Variants in ALMS1 observed in about 807,000 individuals in gnomAD.
ALMS1 encodes ALMS1 centrosome and basal body associated protein.
A neutral mutation model predicts 352.2 loss-of-function variants in ALMS1; 271 were observed. The observed-to-expected ratio is 0.77, with a 90% confidence interval of 0.70 to 0.85. The LOEUF is 0.85. ALMS1 is among the 40% of genes least tolerant of loss of function. The pLI, the probability that ALMS1 is intolerant of heterozygous loss-of-function variation, is 0.00. For synonymous variants in ALMS1, 1,865 were observed against 1,761.2 expected (o/e 1.06, Z -1.48); for missense variants, 5,445 against 4,870.7 (o/e 1.12, Z -3.51).
At chr2:73,533,869 CAGTA>C (rs1446862422) in intron 11 of ALMS1, among the ~76,000 whole-genome samples, 1 of 152,140 alleles carries the variant, frequency 6.6e-6, no homozygotes, top group African/African-American at 2.4e-5. Context: ...ATTTAGCAGT[CAGTA>C]CTTTTTTGAA....
intron 2 of ALMS1, 117 bp downstream of exon 2, chr2:73,408,864 CTTTTTTTTTTTTTTTT>C (rs58686365): frequency 1.1e-5 from 2 of 188,558 alleles, no homozygotes; most frequent in South Asian, 9.9e-5. Flanking sequence ...GTTTTCTTGT[CTTTTTTTTTTTTTTTT>C]TTTTTTTTTT....
At chr2:73,403,194 A>G (rs1670905049) in intron 1 of ALMS1, among the ~76,000 whole-genome samples, 1 of 152,096 alleles carries the variant, frequency 6.6e-6, no homozygotes, top group African/African-American at 2.4e-5. Flanking sequence ...ATCAACTTTG[A>G]GTTGATTTTT....
At chr2:73,508,146 T>TC (rs375093271) in intron 10 of ALMS1, among the ~76,000 whole-genome samples, 2 of 130,340 alleles carry the variant, frequency 1.5e-5, no homozygotes, top group African/African-American at 3.1e-5. Context: ...CCTTTCCCTT[T>TC]CCTTTCCTTT....
chr2:73,452,117 G>C lies in ALMS1; in HGVS notation c.5590G>C (p.Glu1864Gln). Residue 1864 changes from glutamate (E) to glutamine (Q), a missense_variant, in exon 8 of 23, where the codon GAG becomes CAG. Transcript: ENST00000613296. ...REHSVISYEQ[E>Q]LPDLTEVTLK... ...GCACTCTGTCATTTCTTATGAGCAGGAGTTGCCAGATCTTACTGAAGTAAC... is the reference window on the plus strand; with the variant it reads ...GCACTCTGTCATTTCTTATGAGCAGCAGTTGCCAGATCTTACTGAAGTAAC... 6.2e-7 allele frequency: 1 copy of C among 1,608,726 alleles called. No homozygotes were observed. The highest frequency in any genetic ancestry group is 8.5e-7 in the Non-Finnish European group (1 of 1,176,616).
intron 9 of ALMS1, among the ~76,000 whole-genome samples, chr2:73,479,753 G>A (rs1026096131): frequency 2.0e-5 from 3 of 152,122 alleles, no homozygotes; most frequent in Non-Finnish European, 4.4e-5. Flanking sequence ...CAATTGCTGG[G>A]TCATGTGGTA....
chr2:73,598,891 G>A (rs561840055), intron 16 of ALMS1, among the ~76,000 whole-genome samples: 1 of 152,168 alleles, frequency 6.6e-6, no homozygotes, highest in African/African-American at 2.4e-5. Flanking sequence ...AATTTAAAAG[G>A]CCTTTGGGAC....
intron 12 of ALMS1, among the ~76,000 whole-genome samples, chr2:73,535,731 G>A (rs1261783107): frequency 6.6e-6 from 1 of 152,172 alleles, no homozygotes; most frequent in Non-Finnish European, 1.5e-5. Flanking sequence ...TATTTCCTAT[G>A]GAGATTTTAA....
At chr2:73,482,224 T>G (rs996681762) in intron 9 of ALMS1, among the ~76,000 whole-genome samples, 1 of 152,230 alleles carries the variant, frequency 6.6e-6, no homozygotes, top group Admixed American at 6.5e-5. Flanking sequence ...TTGTCATAGA[T>G]AACTCTTATT....
Position 73,550,416 on chromosome 2 carries a change from C to A in ALMS1, c.10057C>A (p.Pro3353Thr). Reference protein sequence around the residue: ...TKASLPVGEKPLQNENADASV... With the variant: ...TKASLPVGEKTLQNENADASV... ...GGCATCCTTGCCAGTGGGAGAAAAA[C>A]CCTTGCAGAATGAAAATGCAGGTAA... The change falls in exon 13 of 23, where the codon CCC becomes ACC. Residue 3353 changes from proline (P) to threonine (T), a missense_variant. Coordinates refer to ENST00000613296, the MANE Select transcript of ALMS1 (RefSeq NM_001378454.1). The A allele has an allele frequency of 1.9e-6, 3 of 1,614,106 alleles. No individual in the cohort carries two copies. Among genetic ancestry groups the A allele is most frequent in the Non-Finnish European group, 2.5e-6 (3 of 1,179,984 alleles).
rs747747269 is a variant in ALMS1 at position 73,572,981 on chromosome 2, C to A, written c.11104C>A (p.Arg3702=). 11 of 1,613,942 alleles carry A rather than the reference C, an allele frequency of 6.8e-6. No homozygotes were observed. In the Admixed American group the frequency reaches 8.3e-5, roughly 12 times the overall value. ...LKKSKVLSHH[R]AGRSNQIKIE... is the part of the protein sequence containing the mutation. Reference sequence around the variant, plus strand: ...AAAAAGCAAGGTGCTTTCTCATCATCGAGCTGGGAGGTCTAATCAAATTAA... The same window carrying A: ...AAAAAGCAAGGTGCTTTCTCATCATAGAGCTGGGAGGTCTAATCAAATTAA... The change falls in exon 16 of 23, where the codon CGA becomes AGA. Residue 3702 remains arginine (R), a synonymous_variant. Transcript: ENST00000613296.
chr2:73,581,381 G>A (rs987858549), intron 16 of ALMS1, among the ~76,000 whole-genome samples: 3 of 152,154 alleles, frequency 2.0e-5, no homozygotes, highest in African/African-American at 7.2e-5. Context: ...AATTCCTTGG[G>A]AACAAGGTAC....
chr2:73,519,528 A>G (rs1354113432), intron 10 of ALMS1, among the ~76,000 whole-genome samples: 2 of 152,174 alleles, frequency 1.3e-5, no homozygotes, highest in African/African-American at 4.8e-5. Context: ...TCCTCAACTA[A>G]ATTATATAAT....
rs577891181 is a variant in ALMS1, at chr2:73,394,072, C to T, written c.324+7880C>T. 1.1e-3 allele frequency among the ~76,000 whole-genome samples: 164 copies of T among 152,102 alleles called. 1 individual carries two copies. Among genetic ancestry groups the T allele is most frequent in the Non-Finnish European group, 1.6e-3 (107 of 67,964 alleles). ...TTGGGCTAAAGCCATCTGCCCACCT[C>T]GGCCTCTCAATGTGCTGGGATTACA... On this transcript the variant is annotated intron_variant, in intron 1 of 22. Coordinates refer to ENST00000613296, the MANE Select transcript of ALMS1 (RefSeq NM_001378454.1).
chr2:73,597,815 C>T (rs995176458), intron 16 of ALMS1, among the ~76,000 whole-genome samples: 3 of 151,620 alleles, frequency 2.0e-5, no homozygotes, highest in South Asian at 2.1e-4. Flanking sequence ...AAAGTTGCTG[C>T]CATTCCTCCT....
rs191494462 is a variant in ALMS1, at chr2:73,600,329, C to T, written c.11669-349C>T. Among the ~76,000 whole-genome samples, 224 of 152,324 alleles carry T rather than the reference C, an allele frequency of 1.5e-3. 1 individual carries two copies. Among genetic ancestry groups the T allele is most frequent in the African/African-American group, 4.6e-3 (191 of 41,574 alleles). On this transcript the variant is annotated intron_variant, in intron 17 of 22. Coordinates refer to ENST00000613296, the MANE Select transcript of ALMS1 (RefSeq NM_001378454.1). ...CTTCCCCTCAAATCCTGTCTTCTGT[C>T]AGCCTCTTCCTTACCTGCGTGACTA...
chr2:73,457,304 T>TGG (rs2103802596), intron 9 of ALMS1: 1 of 152,344 alleles, frequency 6.6e-6, no homozygotes, highest in Non-Finnish European at 1.5e-5. Flanking sequence ...TGATCTTGGC[T>TGG]CACTGCAACT....
chr2:73,482,805 G>A (rs1210000144), intron 9 of ALMS1, among the ~76,000 whole-genome samples: 3 of 151,228 alleles, frequency 2.0e-5, no homozygotes, highest in Non-Finnish European at 4.4e-5. Flanking sequence ...GTTTAGTCTT[G>A]GGAGAGTGTA....
intron 9 of ALMS1, chr2:73,469,895 TTATATGGGTGACTCAAGC>T (rs1355821165): frequency 6.6e-6 from 1 of 151,894 alleles, no homozygotes; most frequent in Admixed American, 6.6e-5. Flanking sequence ...ACTTAGATGT[TTATATGGGTGACTCAAGC>T]TATCAAGTAA....
intron 10 of ALMS1, among the ~76,000 whole-genome samples, chr2:73,497,697 A>G (rs971574991): frequency 2.6e-5 from 4 of 152,186 alleles, no homozygotes; most frequent in African/African-American, 4.8e-5. Flanking sequence ...AGCTCCATCA[A>G]AGTTACTGCA....
Sources: gnomAD v4.1 joint callset for allele counts (sites outside exome capture counted in the v4.1 genomes callset) on GRCh38, gnomAD v4.1.1 for gene constraint, MANE v1.5 for transcripts, NCBI Gene and HGNC (gene_info 2026-07-23, HGNC 2026-07-21) for gene names.